Variants in RIMS1 observed in about 807,000 individuals in gnomAD.
RIMS1 encodes regulating synaptic membrane exocytosis protein 1.
In RIMS1, 83 loss-of-function variants were observed where a neutral mutation model predicts 214.1. That is an observed-to-expected ratio of 0.39 (90% CI 0.32 to 0.47). The LOEUF (loss-of-function observed/expected upper bound fraction) is 0.47. Ranked by LOEUF, RIMS1 falls within the 20% of genes least tolerant of loss-of-function variation. RIMS1 has a pLI of 0.99. For missense variants in RIMS1, 2,050 were observed against 2,161.8 expected, an observed-to-expected ratio of 0.95 and a Z score of 1.03; for synonymous variants, 793 against 786.8, an observed-to-expected ratio of 1.01 and a Z score of -0.13.
intron 29 of RIMS1, among the ~76,000 whole-genome samples, chr6:72,374,448 G>A (rs1304980227): frequency 6.6e-6 from 1 of 152,190 alleles, no homozygotes; most frequent in African/African-American, 2.4e-5. Context: ...CCCAGTCATG[G>A]AATGATTCTT....
chr6:72,173,090 T>A (rs1343928473), intron 4 of RIMS1, among the ~76,000 whole-genome samples: 1 of 152,190 alleles, frequency 6.6e-6, no homozygotes, highest in Non-Finnish European at 1.5e-5. Context: ...TATATTTGAT[T>A]GATGGTTTAC....
intron 29 of RIMS1, among the ~76,000 whole-genome samples, chr6:72,371,175 G>A (rs1158296313): frequency 6.6e-6 from 1 of 152,124 alleles, no homozygotes; most frequent in Non-Finnish European, 1.5e-5. Flanking sequence ...TGCTGTGTGT[G>A]CACATGTGTG....
Position 71,886,620 on chromosome 6 carries a change from C to G in RIMS1, c.-404C>G. 1 of 150,982 alleles carries G rather than the reference C, an allele frequency of 6.6e-6. No homozygotes were observed. Among genetic ancestry groups the G allele is most frequent in the South Asian group, 1.8e-4 (1 of 5,654 alleles). 9.4% of individuals were successfully genotyped at this position (150,982 alleles called of 1,614,324 possible). A position where few individuals can be genotyped will look rare whatever the true frequency, so the allele number is the denominator to read the frequency against. On this transcript the variant is annotated 5_prime_UTR_variant, in exon 1 of 34. Transcript: ENST00000521978. ...GGCCGCCCCAGTCCCAGCCCCAGCC[C>G]CAGCCCCAGCCCCGCCCCCGCCCCG...
intron 29 of RIMS1, among the ~76,000 whole-genome samples, chr6:72,349,088 A>G (rs184389467): frequency 6.6e-6 from 1 of 152,084 alleles, no homozygotes. Flanking sequence ...CAAACCTCTG[A>G]TATTGAAGCA....
chr6:72,190,586 C>G (rs1009820893), intron 6 of RIMS1, among the ~76,000 whole-genome samples: 1 of 151,968 alleles, frequency 6.6e-6, no homozygotes, highest in Admixed American at 6.6e-5. Context: ...GAACCAGGCT[C>G]TAGTCTCCTC....
At chr6:72,019,655 G>A (rs551613866) in intron 2 of RIMS1, among the ~76,000 whole-genome samples, 5 of 152,214 alleles carry the variant, frequency 3.3e-5, no homozygotes, top group African/African-American at 1.2e-4. Context: ...ATTTCACCTT[G>A]ATAATCTGAC....
At chr6:72,349,446 A>T (rs1212241097) in intron 29 of RIMS1, among the ~76,000 whole-genome samples, 10 of 152,080 alleles carry the variant, frequency 6.6e-5, no homozygotes, top group Admixed American at 3.3e-4. Context: ...ATAAATAGGC[A>T]TATAGTTGCA....
Position 72,162,486 on chromosome 6 carries a change from T to TGG in RIMS1, c.472-17088_472-17087dup, listed in dbSNP as rs1345349349. Among the ~76,000 whole-genome samples, 3 of 140,912 alleles carry TGG rather than the reference T, an allele frequency of 2.1e-5. 1 individual carries two copies. Among genetic ancestry groups the TGG allele is most frequent in the Non-Finnish European group, 3.2e-5 (2 of 62,050 alleles). 92.4% of individuals were successfully genotyped at this position (140,912 alleles called of 152,430 possible). A position where few individuals can be genotyped will look rare whatever the true frequency, so the allele number is the denominator to read the frequency against. ...TGATGCAGTTTCTTCCTAGCCTTGA[T>TGG]GGTCTTTACAATTTGGTATGTTTTC... On this transcript the variant is annotated intron_variant, in intron 4 of 33. Coordinates refer to ENST00000521978, the MANE Select transcript of RIMS1 (RefSeq NM_014989.7).
At chr6:72,121,721 G>T (rs551902833) in intron 4 of RIMS1, among the ~76,000 whole-genome samples, 16 of 152,000 alleles carry the variant, frequency 1.1e-4, no homozygotes, top group Non-Finnish European at 1.9e-4. Flanking sequence ...GAGCATCCCT[G>T]TCTTGTGCTA....
chr6:72,113,883 T>C (rs376796204), intron 4 of RIMS1, among the ~76,000 whole-genome samples: 2 of 152,110 alleles, frequency 1.3e-5, no homozygotes, highest in African/African-American at 4.8e-5. Flanking sequence ...AAATGCTATA[T>C]GCAAGACACT....
Position 72,060,357 on chromosome 6 carries a change from C to G in RIMS1, c.246-36592C>G, listed in dbSNP as rs140851513. Among the ~76,000 whole-genome samples the G allele has an allele frequency of 5.6e-4, 85 of 152,302 alleles. 1 individual carries two copies. The highest frequency in any genetic ancestry group is 3.4e-3 in the Middle Eastern group (1 of 294). ...AAACACTATTTCAGTGCATCCTACA[C>G]TCTGCCTCCAGATTAAACTTCCATC... On this transcript the variant is annotated intron_variant, in intron 2 of 33. Coordinates refer to ENST00000521978, the MANE Select transcript of RIMS1 (RefSeq NM_014989.7).
At chr6:72,273,335 A>T (rs1296908478) in intron 22 of RIMS1, among the ~76,000 whole-genome samples, 1 of 152,172 alleles carries the variant, frequency 6.6e-6, no homozygotes. Flanking sequence ...TACCTAAATG[A>T]GTCCTTTAAG....
At chr6:71,947,954 T>G (rs908804832) in intron 1 of RIMS1, among the ~76,000 whole-genome samples, 1 of 152,126 alleles carries the variant, frequency 6.6e-6, no homozygotes, top group African/African-American at 2.4e-5. Context: ...CATAACTAGT[T>G]TTAGTTTAAC....
At chr6:72,186,786 C>CA (rs993321825) in intron 6 of RIMS1, among the ~76,000 whole-genome samples, 14 of 151,584 alleles carry the variant, frequency 9.2e-5, no homozygotes, top group African/African-American at 3.4e-4. Context: ...TGTACCCCCC[C>CA]CCATATATAT....
At chr6:72,144,536 C>G (rs1284148166) in intron 4 of RIMS1, among the ~76,000 whole-genome samples, 1 of 152,038 alleles carries the variant, frequency 6.6e-6, no homozygotes, top group African/African-American at 2.4e-5. Context: ...CTGACATGAA[C>G]AGATAATTGG....
chr6:72,251,444 G>GT (rs200246988), intron 15 of RIMS1, 76 bp downstream of exon 15: 82 of 1,171,416 alleles, frequency 7.0e-5, no homozygotes, highest in South Asian at 7.9e-5. Flanking sequence ...AATTCAAGAT[G>GT]TTTTTTTTAA....
chr6:72,006,047 G>C (rs1397709935), intron 2 of RIMS1, among the ~76,000 whole-genome samples: 1 of 152,124 alleles, frequency 6.6e-6, no homozygotes, highest in Non-Finnish European at 1.5e-5. Flanking sequence ...TCTGGAAGTG[G>C]GGGCTTGCTT....
chr6:72,057,178 A>T (rs1826417860), intron 2 of RIMS1, among the ~76,000 whole-genome samples: 1 of 152,244 alleles, frequency 6.6e-6, no homozygotes, highest in South Asian at 2.1e-4. Flanking sequence ...AGTTAAAAAA[A>T]ATTCAAACTC....
chr6:72,279,965 T>C (rs2089244005), intron 23 of RIMS1, among the ~76,000 whole-genome samples: 1 of 152,010 alleles, frequency 6.6e-6, no homozygotes. Context: ...CAGTTCATTA[T>C]GTATTATTCA....
Sources: allele counts gnomAD v4.1 joint callset (sites outside exome capture counted in the v4.1 genomes callset), GRCh38; gene constraint gnomAD v4.1.1; transcripts MANE v1.5; gene names NCBI Gene and HGNC (gene_info 2026-07-23, HGNC 2026-07-21).